Variants in MACROD2 observed in about 807,000 individuals in gnomAD.
The protein encoded by MACROD2 is mono-ADP ribosylhydrolase 2.
MACROD2 carries 36 observed loss-of-function variants against 70.4 expected under a neutral mutation model. The observed-to-expected ratio is 0.51, with a 90% CI of 0.39 to 0.68. The LOEUF is 0.68. Ranked by LOEUF, MACROD2 falls within the 30% of genes least tolerant of loss-of-function variation. The pLI, the probability that MACROD2 is intolerant of heterozygous loss-of-function variation, is 0.00. For synonymous variants in MACROD2, 172 were observed against 178.8 expected, an observed-to-expected ratio of 0.96 and a Z score of 0.30; for missense variants, 496 against 538.4, an observed-to-expected ratio of 0.92 and a Z score of 0.78.
At chr20:14,378,342 G>T (rs1233813473) in intron 3 of MACROD2, among the ~76,000 whole-genome samples, 1 of 152,098 alleles carries the variant, frequency 6.6e-6, no homozygotes, top group East Asian at 1.9e-4. Context: ...TCTGGGAGTT[G>T]CCCTCAGTTG....
intron 9 of MACROD2, 68 bp downstream of exon 9, chr20:15,862,894 C>G (rs1186932794): frequency 6.2e-5 from 74 of 1,191,772 alleles, no homozygotes; most frequent in Non-Finnish European, 8.6e-5. Flanking sequence ...CACTTCTATT[C>G]CTATTGTTTT....
At chr20:15,668,721 G>A (rs6043422) in intron 8 of MACROD2, among the ~76,000 whole-genome samples, 84,544 of 151,940 alleles carry the variant, frequency 0.56, 23,952 homozygotes, top group East Asian at 0.85. Context: ...TTTCTCCCTC[G>A]TTTTCAATTA....
At chr20:14,459,540 C>T (rs954274472) in intron 3 of MACROD2, among the ~76,000 whole-genome samples, 6 of 151,888 alleles carry the variant, frequency 4.0e-5, no homozygotes, top group African/African-American at 1.4e-4. Flanking sequence ...AGGTATCTAC[C>T]TATGGAATAT....
intron 4 of MACROD2, among the ~76,000 whole-genome samples, chr20:14,532,260 C>A (rs2085315448): frequency 6.7e-6 from 1 of 149,732 alleles, no homozygotes; most frequent in Admixed American, 6.6e-5. Context: ...GCTCTGTCAC[C>A]CAGGCTGGAG....
chr20:15,019,426 G>A (rs1182839099), intron 5 of MACROD2, among the ~76,000 whole-genome samples: 2 of 152,134 alleles, frequency 1.3e-5, no homozygotes, highest in East Asian at 3.8e-4. Flanking sequence ...TAACTACAAA[G>A]CCTTTTTCCA....
chr20:15,122,766 C>T (rs964375370), intron 5 of MACROD2, among the ~76,000 whole-genome samples: 6 of 152,130 alleles, frequency 3.9e-5, no homozygotes, highest in Non-Finnish European at 8.8e-5. Context: ...TAATGATGGG[C>T]ACTCCTTGCC....
At chr20:15,336,381 A>C (rs2078048498) in intron 6 of MACROD2, among the ~76,000 whole-genome samples, 1 of 128,456 alleles carries the variant, frequency 7.8e-6, no homozygotes, top group African/African-American at 2.9e-5. Flanking sequence ...AACCAAAAAA[A>C]AAAAAGAAAA....
At chr20:14,376,212 T>C (rs1480927247) in intron 3 of MACROD2, among the ~76,000 whole-genome samples, 1 of 152,226 alleles carries the variant, frequency 6.6e-6, no homozygotes, top group African/African-American at 2.4e-5. Context: ...TATTTACTCT[T>C]CTTCCTTAAA....
At chr20:15,239,097 G>A (rs1601283599) in intron 6 of MACROD2, among the ~76,000 whole-genome samples, 1 of 152,048 alleles carries the variant, frequency 6.6e-6, no homozygotes, top group Middle Eastern at 3.4e-3. Flanking sequence ...TGAACAATTG[G>A]GCAATTTTGG....
chr20:14,940,893 T>G (rs2104351), intron 5 of MACROD2, among the ~76,000 whole-genome samples: 38,050 of 152,056 alleles, frequency 0.25, 4,834 homozygotes, highest in Non-Finnish European at 0.28. Flanking sequence ...TGGTATCAAG[T>G]TAATGCTATC....
At chr20:14,304,031 T>C (rs2082498688) in intron 3 of MACROD2, among the ~76,000 whole-genome samples, 1 of 152,210 alleles carries the variant, frequency 6.6e-6, no homozygotes, top group Non-Finnish European at 1.5e-5. Context: ...TTTATTATTC[T>C]GTACCACTTT....
intron 3 of MACROD2, among the ~76,000 whole-genome samples, chr20:14,216,161 TC>T (rs2081620971): frequency 6.6e-6 from 1 of 152,276 alleles, no homozygotes; most frequent in Non-Finnish European, 1.5e-5. Context: ...AGTCCTCAAT[TC>T]ATCTTGAGTT....
chr20:14,958,732 A>G (rs1288718629), intron 5 of MACROD2, among the ~76,000 whole-genome samples: 1 of 152,142 alleles, frequency 6.6e-6, no homozygotes, highest in Non-Finnish European at 1.5e-5. Flanking sequence ...TGATTTTTCC[A>G]TGCTCATTCT....
intron 7 of MACROD2, among the ~76,000 whole-genome samples, chr20:15,482,317 G>GT (rs879309813): frequency 1.1e-4 from 16 of 152,254 alleles, no homozygotes; most frequent in Non-Finnish European, 1.8e-4. Context: ...CAGATGGCAA[G>GT]TAAGCATGTG....
intron 12 of MACROD2, among the ~76,000 whole-genome samples, chr20:15,942,977 A>G (rs1158408900): frequency 1.3e-5 from 2 of 152,208 alleles, no homozygotes; most frequent in African/African-American, 4.8e-5. Context: ...TTCCTTTGGA[A>G]CACCATGTAA....
intron 6 of MACROD2, among the ~76,000 whole-genome samples, chr20:15,339,890 A>G (rs985299141): frequency 6.6e-6 from 1 of 151,288 alleles, no homozygotes; most frequent in Non-Finnish European, 1.5e-5. Context: ...TTCCATTGCA[A>G]TGTAGTTTTA....
chr20:14,457,868 G>A (rs1451593336), intron 3 of MACROD2, among the ~76,000 whole-genome samples: 1 of 152,116 alleles, frequency 6.6e-6, no homozygotes, highest in Non-Finnish European at 1.5e-5. Flanking sequence ...GGGAGGCCGA[G>A]GTGGGTGGAT....
At chr20:15,234,273 C>T (rs2076993558) in intron 6 of MACROD2, among the ~76,000 whole-genome samples, 1 of 149,958 alleles carries the variant, frequency 6.7e-6, no homozygotes, top group Admixed American at 6.7e-5. Flanking sequence ...ACCTCGTGAT[C>T]CGCCCGCCTC....
At chr20:15,651,170 A>C (rs1255672127) in intron 8 of MACROD2, among the ~76,000 whole-genome samples, 10 of 152,228 alleles carry the variant, frequency 6.6e-5, no homozygotes, top group Non-Finnish European at 1.5e-5. Flanking sequence ...CTGGCCCCAG[A>C]GGCGGTCCTT....
Sources: gnomAD v4.1 joint callset for allele counts (sites outside exome capture counted in the v4.1 genomes callset) on GRCh38, gnomAD v4.1.1 for gene constraint, MANE v1.5 for transcripts, NCBI Gene and HGNC (gene_info 2026-07-23, HGNC 2026-07-21) for gene names.